AXDND1: variants seen among roughly 807,000 people sequenced by gnomAD.
AXDND1 encodes the protein axonemal dynein light chain domain containing 1.
Under a neutral mutation model 137.5 loss-of-function variants are expected in AXDND1, and 110 were observed. The observed-to-expected ratio is 0.80, with a 90% confidence interval of 0.69 to 0.94. The LOEUF is 0.94. AXDND1 is among the 40% of genes least tolerant of loss of function. The probability of loss-of-function intolerance (pLI) is 0.00; values close to 1 mark genes in which losing one functional copy is unlikely to be tolerated. For synonymous variants in AXDND1, 414 were observed against 399.7 expected, an observed-to-expected ratio of 1.04 and a Z score of -0.43; for missense variants, 1,191 against 1,169.8, an observed-to-expected ratio of 1.02 and a Z score of -0.26.
intron 12 of AXDND1, among the ~76,000 whole-genome samples, chr1:179,415,377 G>A (rs1051362469): frequency 4.0e-5 from 6 of 151,832 alleles, no homozygotes; most frequent in Non-Finnish European, 5.9e-5. Context: ...TTTAGATCCC[G>A]ACCTCATTAA....
intron 18 of AXDND1, among the ~76,000 whole-genome samples, chr1:179,487,395 A>G (rs1666198928): frequency 6.7e-6 from 1 of 148,544 alleles, no homozygotes; most frequent in Admixed American, 6.7e-5. Context: ...AAAATTACTC[A>G]GTTGACATGT....
intron 15 of AXDND1, among the ~76,000 whole-genome samples, chr1:179,441,029 T>C (rs1658905034): frequency 6.6e-6 from 1 of 152,140 alleles, no homozygotes; most frequent in Non-Finnish European, 1.5e-5. Context: ...TTTGTCCACC[T>C]GGAGTAGGGT....
At chr1:179,409,241 T>G (rs1453422888) in intron 11 of AXDND1, among the ~76,000 whole-genome samples, 2 of 152,144 alleles carry the variant, frequency 1.3e-5, no homozygotes, top group Non-Finnish European at 2.9e-5. Context: ...GCTTTCTTGA[T>G]TTCTACTGGT....
intron 17 of AXDND1, among the ~76,000 whole-genome samples, chr1:179,469,429 G>A (rs79642082): frequency 5.8e-4 from 88 of 152,228 alleles, no homozygotes; most frequent in Non-Finnish European, 1.0e-3. Flanking sequence ...CACTTGGATT[G>A]TTTCCATCTT....
intron 21 of AXDND1, among the ~76,000 whole-genome samples, chr1:179,511,133 T>C (rs371667276): frequency 1.4e-4 from 22 of 151,792 alleles, no homozygotes; most frequent in African/African-American, 4.6e-4. Context: ...CGCCACTGCA[T>C]TCCAGCCTGG....
intron 24 of AXDND1, among the ~76,000 whole-genome samples, chr1:179,534,264 A>C (rs1671301800): frequency 6.6e-6 from 1 of 152,222 alleles, no homozygotes; most frequent in Non-Finnish European, 1.5e-5. Flanking sequence ...TGGGGATGCC[A>C]GGAGAAGAGC....
At chr1:179,467,032 G>A (rs1663291788) in intron 16 of AXDND1, among the ~76,000 whole-genome samples, 1 of 152,046 alleles carries the variant, frequency 6.6e-6, no homozygotes, top group South Asian at 2.1e-4. Flanking sequence ...AGCAAATTCT[G>A]TACTTCAATT....
intron 21 of AXDND1, among the ~76,000 whole-genome samples, chr1:179,522,715 T>TA (rs551704564): frequency 8.6e-4 from 131 of 151,734 alleles, no homozygotes; most frequent in African/African-American, 2.2e-3. Flanking sequence ...CAGCAAATGA[T>TA]AAAAATTGTT....
At chr1:179,482,912 C>T (rs1182649718) in intron 17 of AXDND1, among the ~76,000 whole-genome samples, 2 of 151,042 alleles carry the variant, frequency 1.3e-5, no homozygotes, top group African/African-American at 4.9e-5. Flanking sequence ...CAAAGTGCAT[C>T]TTGCTACCTA....
intron 25 of AXDND1, among the ~76,000 whole-genome samples, chr1:179,541,212 C>T (rs1672100534): frequency 6.6e-6 from 1 of 152,158 alleles, no homozygotes; most frequent in African/African-American, 2.4e-5. Context: ...CAAGAGTGTA[C>T]CGTCGCACCT....
Position 179,520,845 on chromosome 1 carries a change from A to G in AXDND1, c.2497-4489A>G, listed in dbSNP as rs891961522. On this transcript the variant is annotated intron_variant, in intron 21 of 25. Coordinates refer to ENST00000367618, the MANE Select transcript of AXDND1 (RefSeq NM_144696.6). ...GACATTCTTTTCCATTATATCTTCTAACTAGTAACTGTATATATATATACA... is the reference window on the plus strand; with the variant it reads ...GACATTCTTTTCCATTATATCTTCTGACTAGTAACTGTATATATATATACA... 4.7e-5 allele frequency among the ~76,000 whole-genome samples: 7 copies of G among 149,062 alleles called. No homozygotes were observed. In the Admixed American group the frequency reaches 4.7e-4, roughly 10 times the overall value.
At chr1:179,440,361 G>T (rs1239548684) in intron 15 of AXDND1, among the ~76,000 whole-genome samples, 1 of 152,202 alleles carries the variant, frequency 6.6e-6, no homozygotes, top group African/African-American at 2.4e-5. Context: ...TCACCTGTTT[G>T]GCATGTAGCA....
intron 12 of AXDND1, among the ~76,000 whole-genome samples, chr1:179,428,772 A>G (rs536188180): frequency 5.3e-4 from 81 of 152,374 alleles, no homozygotes; most frequent in African/African-American, 1.8e-3. Context: ...ATGTAAAACA[A>G]TAGCACTCTT....
chr1:179,488,446 T>C lies in AXDND1; in HGVS notation c.2092-3092T>C, dbSNP rs564758798. Among the ~76,000 whole-genome samples, 25 of 148,146 alleles carry C rather than the reference T, an allele frequency of 1.7e-4. 4 individuals are homozygous for C. The highest frequency in any genetic ancestry group is 5.1e-4 in the African/African-American group (20 of 38,876). ...TTTGTTTGTTTGTTTGGTTGGTTTTTATAGAGATGGGGTTTCACCAAATTG... is the reference window on the plus strand; with the variant it reads ...TTTGTTTGTTTGTTTGGTTGGTTTTCATAGAGATGGGGTTTCACCAAATTG... On this transcript the variant is annotated intron_variant, in intron 18 of 25. Coordinates refer to ENST00000367618, the MANE Select transcript of AXDND1 (RefSeq NM_144696.6).
intron 20 of AXDND1, among the ~76,000 whole-genome samples, chr1:179,504,677 C>G (rs1368655466): frequency 6.6e-6 from 1 of 152,110 alleles, no homozygotes; most frequent in African/African-American, 2.4e-5. Flanking sequence ...CCTGCGCCAC[C>G]CCATCCCCTG....
At chr1:179,501,726 A>AC (rs1244936802) in intron 20 of AXDND1, among the ~76,000 whole-genome samples, 3 of 152,066 alleles carry the variant, frequency 2.0e-5, no homozygotes, top group East Asian at 1.9e-4. Flanking sequence ...AAACAAAACA[A>AC]AACAACAACA....
rs1647715943 is a variant in AXDND1 at position 179,378,748 on chromosome 1, G to A, written c.486G>A (p.Val162=). ...RSLQSHDGVI[V]PHKPKTLTDT... ...TACAGTCACATGATGGTGTCATTGT[G>A]CCCCATAAGGTAAATAAAGTATTTG... The change falls in exon 5 of 26, where the codon GTG becomes GTA. Residue 162 remains valine, a synonymous_variant. Coordinates refer to ENST00000367618, the MANE Select transcript of AXDND1 (RefSeq NM_144696.6). 6.4e-7 allele frequency: 1 copy of A among 1,555,022 alleles called. No homozygotes were observed.
chr1:179,468,684 A>G, intron 17 of AXDND1, 43 bp downstream of exon 17: 1 of 1,503,984 alleles, frequency 6.6e-7, no homozygotes, highest in Non-Finnish European at 9.0e-7. Flanking sequence ...TAATTTTCCT[A>G]AAGGTTTGTT....
Position 179,509,359 on chromosome 1 carries a change from A to G in AXDND1, c.2452A>G (p.Ile818Val). 6.2e-7 allele frequency: 1 copy of G among 1,612,740 alleles called. No homozygotes were observed. The highest frequency in any genetic ancestry group is 1.1e-5 in the South Asian group (1 of 91,026). The change falls in exon 21 of 26, where the codon ATT becomes GTT. Residue 818 changes from isoleucine (I) to valine (V), a missense_variant. Ile to Val is a conservative substitution (Grantham distance 29, BLOSUM62 3). Transcript: ENST00000367618. Reference sequence around the variant, plus strand: ...CCTTTCTAATATCAAAGGCAGAAAAATTACATTATTGACATATGAAGAAAT... The same window carrying G: ...CCTTTCTAATATCAAAGGCAGAAAAGTTACATTATTGACATATGAAGAAAT... ...CLLSNIKGRK[I>V]TLLTYEEIER...
Sources: allele counts gnomAD v4.1 joint callset (sites outside exome capture counted in the v4.1 genomes callset), GRCh38; gene constraint gnomAD v4.1.1; transcripts MANE v1.5; gene names NCBI Gene and HGNC (gene_info 2026-07-23, HGNC 2026-07-21).